SYT1: variants seen among roughly 807,000 people sequenced by gnomAD.
SYT1 encodes synaptotagmin-1.
In SYT1, 8 loss-of-function variants were observed where a neutral mutation model predicts 44.8. That is an observed-to-expected ratio of 0.18 (90% CI 0.10 to 0.32). The LOEUF (loss-of-function observed/expected upper bound fraction) is 0.32, where lower values mean the gene tolerates loss of function less well. Ranked by LOEUF, SYT1 falls within the 10% of genes least tolerant of loss-of-function variation. The pLI, the probability that SYT1 is intolerant of heterozygous loss-of-function variation, is 1.00. For synonymous variants in SYT1, 154 were observed against 188.8 expected, an observed-to-expected ratio of 0.82 and a Z score of 1.51; for missense variants, 286 against 509.3, an observed-to-expected ratio of 0.56 and a Z score of 4.22.
At position 78,865,918 on chromosome 12, in the gene SYT1, CAAA is replaced by C. The variant is rs35001234; in HGVS notation, c.-217+820_-217+822del. Among the ~76,000 whole-genome samples, 277 of 144,808 alleles carry C rather than the reference CAAA, an allele frequency of 1.9e-3. 1 individual carries two copies. The highest frequency in any genetic ancestry group is 6.7e-3 in the African/African-American group (266 of 39,508). The allele number at this position is 144,808 out of a possible 152,430, so 95.0% of individuals were successfully genotyped here. A position where few individuals can be genotyped will look rare whatever the true frequency, so the allele number is the denominator to read the frequency against. ...GAACTTTGAAAGCTTTCTTGAGTAA[CAAA>C]AAAAAAAAAACAATTAAAATAGATT... On this transcript the variant is annotated intron_variant, in intron 1 of 10. Transcript: ENST00000261205.
intron 2 of SYT1, among the ~76,000 whole-genome samples, chr12:79,020,404 A>G (rs1872112084): frequency 6.6e-6 from 1 of 151,894 alleles, no homozygotes; most frequent in Non-Finnish European, 1.5e-5. Context: ...CTGGCAGAAT[A>G]ATAAAAGCTC....
At chr12:79,164,655 A>G (rs1871136550) in intron 3 of SYT1, among the ~76,000 whole-genome samples, 1 of 152,030 alleles carries the variant, frequency 6.6e-6, no homozygotes, top group Admixed American at 6.6e-5. Context: ...ATTATTTTTA[A>G]TATGTCAAAA....
At chr12:79,385,440 A>G (rs1425319932) in intron 9 of SYT1, among the ~76,000 whole-genome samples, 1 of 148,958 alleles carries the variant, frequency 6.7e-6, no homozygotes, top group Non-Finnish European at 1.5e-5. Flanking sequence ...TGGATGCTCA[A>G]TCAAGCTTTA....
chr12:79,203,140 C>T (rs1349960738), intron 3 of SYT1, among the ~76,000 whole-genome samples: 2 of 151,968 alleles, frequency 1.3e-5, no homozygotes, highest in Admixed American at 6.6e-5. Flanking sequence ...TGTGTATGCT[C>T]GTTTTTGGCA....
chr12:79,417,978 G>A (rs1868858145), intron 9 of SYT1, among the ~76,000 whole-genome samples: 1 of 152,104 alleles, frequency 6.6e-6, no homozygotes, highest in Non-Finnish European at 1.5e-5. Context: ...AGACAAAGCT[G>A]AAAAACCTTA....
intron 1 of SYT1, among the ~76,000 whole-genome samples, chr12:78,912,771 A>G (rs955108731): frequency 1.3e-5 from 2 of 151,946 alleles, no homozygotes; most frequent in Non-Finnish European, 2.9e-5. Flanking sequence ...GTGTTCATAT[A>G]ATAAGCAGGA....
intron 1 of SYT1, among the ~76,000 whole-genome samples, chr12:78,872,230 T>C (rs1873858088): frequency 6.6e-6 from 1 of 151,870 alleles, no homozygotes; most frequent in African/African-American, 2.4e-5. Context: ...AAAAAAGTAC[T>C]TGATATGCAA....
intron 9 of SYT1, chr12:79,393,997 G>C (rs1486344676): frequency 6.6e-6 from 1 of 152,188 alleles, no homozygotes; most frequent in Admixed American, 6.5e-5. Flanking sequence ...ATCCTGTGCT[G>C]TTCCCTCCTG....
At chr12:79,328,305 T>C (rs143260239) in intron 8 of SYT1, among the ~76,000 whole-genome samples, 34 of 152,276 alleles carry the variant, frequency 2.2e-4, no homozygotes, top group African/African-American at 7.5e-4. Flanking sequence ...AACAGGACAA[T>C]AAATGAAATT....
chr12:79,013,111 G>T (rs779471690), intron 2 of SYT1, among the ~76,000 whole-genome samples: 80 of 151,934 alleles, frequency 5.3e-4, no homozygotes, highest in Non-Finnish European at 9.0e-4. Context: ...CCCCATCAAG[G>T]TCAGTTATTA....
intron 9 of SYT1, among the ~76,000 whole-genome samples, chr12:79,425,839 A>G (rs1869412645): frequency 6.6e-6 from 1 of 152,138 alleles, no homozygotes. Flanking sequence ...AAGCACTAAT[A>G]ATACTTATTG....
At chr12:79,040,956 G>A (rs1222869603) in intron 2 of SYT1, among the ~76,000 whole-genome samples, 1 of 151,660 alleles carries the variant, frequency 6.6e-6, no homozygotes, top group South Asian at 2.1e-4. Flanking sequence ...TTATTTCTGA[G>A]GGCTCTGTTC....
intron 8 of SYT1, among the ~76,000 whole-genome samples, chr12:79,312,623 A>G (rs1880865394): frequency 6.6e-6 from 1 of 152,198 alleles, no homozygotes; most frequent in African/African-American, 2.4e-5. Flanking sequence ...TAGTCTTATG[A>G]AAACGAATCT....
At chr12:79,413,331 A>G (rs951107331) in intron 9 of SYT1, among the ~76,000 whole-genome samples, 8 of 152,200 alleles carry the variant, frequency 5.3e-5, no homozygotes, top group African/African-American at 1.9e-4. Flanking sequence ...TTGTCTCTGT[A>G]GAGTGGCAAG....
At chr12:79,333,143 T>C (rs1272119420) in intron 8 of SYT1, among the ~76,000 whole-genome samples, 7 of 150,188 alleles carry the variant, frequency 4.7e-5, no homozygotes, top group Admixed American at 4.6e-4. Flanking sequence ...TATAACAAGA[T>C]ACCATAAACT....
At chr12:79,429,673 C>A (rs183236440) in intron 9 of SYT1, among the ~76,000 whole-genome samples, 1 of 152,124 alleles carries the variant, frequency 6.6e-6, no homozygotes, top group Non-Finnish European at 1.5e-5. Context: ...GGACTACAGG[C>A]ACCCACCACC....
Position 79,381,504 on chromosome 12 carries a change from G to A in SYT1, c.928+27885G>A, listed in dbSNP as rs562538788. On this transcript the variant is annotated intron_variant, in intron 9 of 10. Coordinates refer to ENST00000261205, the MANE Select transcript of SYT1 (RefSeq NM_005639.3). ...CCATCTTAGACACAGGAGAGCAGGGGGTTTGAAGGATTTGAATTCTGAATT... is the reference window on the plus strand; with the variant it reads ...CCATCTTAGACACAGGAGAGCAGGGAGTTTGAAGGATTTGAATTCTGAATT... Among the ~76,000 whole-genome samples, 6 of 152,242 alleles carry A rather than the reference G, an allele frequency of 3.9e-5. No individual in the cohort carries two copies. The East Asian group carries it at 9.6e-4, about 24-fold the overall frequency.
chr12:78,969,372 A>G (rs1459537883), intron 1 of SYT1, among the ~76,000 whole-genome samples: 1 of 152,208 alleles, frequency 6.6e-6, no homozygotes, highest in Non-Finnish European at 1.5e-5. Flanking sequence ...TGACATTCGG[A>G]AAAAGACCGC....
At chr12:79,093,001 G>A (rs903223290) in intron 3 of SYT1, among the ~76,000 whole-genome samples, 6 of 151,400 alleles carry the variant, frequency 4.0e-5, no homozygotes, top group African/African-American at 7.3e-5. Flanking sequence ...ATACAATTTT[G>A]GAATACATGT....
Sources: allele counts gnomAD v4.1 joint callset (sites outside exome capture counted in the v4.1 genomes callset), GRCh38; gene constraint gnomAD v4.1.1; transcripts MANE v1.5; gene names NCBI Gene and HGNC (gene_info 2026-07-23, HGNC 2026-07-21).